The following KDM4C variants were observed in gnomAD, a reference collection of about 807,000 sequenced individuals.
The protein encoded by KDM4C is lysine-specific demethylase 4C.
KDM4C carries 81 observed loss-of-function variants against 129.3 expected under a neutral mutation model. The ratio of observed to expected loss-of-function variants is 0.63; its 90% CI spans 0.52 to 0.75. KDM4C has a LOEUF of 0.75. Among genes scored for constraint, KDM4C ranks in the 30% least tolerant of loss-of-function variants. The pLI, the probability that KDM4C is intolerant of heterozygous loss-of-function variation, is 0.00. For missense variants in KDM4C, 1,457 were observed against 1,304.0 expected (o/e 1.12, Z -1.81); for synonymous variants, 573 against 456.1 (o/e 1.26, Z -3.26).
At chr9:7,151,705 C>G (rs1238349696) in intron 19 of KDM4C, among the ~76,000 whole-genome samples, 2 of 152,164 alleles carry the variant, frequency 1.3e-5, no homozygotes, top group Admixed American at 6.5e-5. Flanking sequence ...GGAAAGTGGA[C>G]AGTAGACTTG....
At chr9:6,873,558 T>G (rs1386260104) in intron 5 of KDM4C, among the ~76,000 whole-genome samples, 2 of 152,154 alleles carry the variant, frequency 1.3e-5, no homozygotes, top group Non-Finnish European at 2.9e-5. Context: ...GGTGCTAGAG[T>G]CCAGCTTTTA....
chr9:6,938,852 T>A (rs1825304351), intron 8 of KDM4C, among the ~76,000 whole-genome samples: 1 of 85,058 alleles, frequency 1.2e-5, no homozygotes, highest in Non-Finnish European at 3.1e-5. Context: ...GATACACTAA[T>A]AATAAAATAT....
chr9:6,734,999 T>A, intron 1 of KDM4C: 1 of 543,158 alleles, frequency 1.8e-6, no homozygotes, highest in South Asian at 1.4e-5. Context: ...TGATAGGGTT[T>A]GGGTATTACT....
At chr9:6,997,259 A>G (rs1447048317) in intron 12 of KDM4C, among the ~76,000 whole-genome samples, 2 of 152,162 alleles carry the variant, frequency 1.3e-5, no homozygotes, top group East Asian at 1.9e-4. Flanking sequence ...ATTTTCCAGG[A>G]CCAGAATGGG....
chr9:6,839,881 T>C (rs982714482), intron 4 of KDM4C, among the ~76,000 whole-genome samples: 1 of 138,406 alleles, frequency 7.2e-6, no homozygotes, highest in African/African-American at 2.7e-5. Flanking sequence ...GCAGCCTGGG[T>C]GACAGAGTGA....
intron 19 of KDM4C, among the ~76,000 whole-genome samples, chr9:7,150,313 C>T (rs529653787): frequency 1.1e-4 from 17 of 152,262 alleles, no homozygotes; most frequent in African/African-American, 2.4e-4. Flanking sequence ...GGTGGCTTAA[C>T]GTGGAGGAAG....
intron 19 of KDM4C, among the ~76,000 whole-genome samples, chr9:7,154,362 G>A (rs977146285): frequency 5.3e-5 from 8 of 152,180 alleles, no homozygotes; most frequent in African/African-American, 1.4e-4. Flanking sequence ...ACTATATGCC[G>A]ATTAACTACT....
chr9:6,886,322 CT>C (rs767744199), intron 6 of KDM4C, among the ~76,000 whole-genome samples: 343 of 142,040 alleles, frequency 2.4e-3, no homozygotes, highest in Admixed American at 2.8e-3. Flanking sequence ...TCCTTCCTAT[CT>C]TTTTTTTTTT....
At chr9:7,008,380 C>G (rs534982452) in intron 12 of KDM4C, among the ~76,000 whole-genome samples, 1 of 152,182 alleles carries the variant, frequency 6.6e-6, no homozygotes, top group African/African-American at 2.4e-5. Context: ...CCAGCACCCA[C>G]GGAGCCAGCC....
At chr9:6,995,882 A>T (rs182471818) in intron 12 of KDM4C, among the ~76,000 whole-genome samples, 7 of 136,772 alleles carry the variant, frequency 5.1e-5, no homozygotes, top group African/African-American at 1.0e-4. Flanking sequence ...TGTGTTAGCC[A>T]GGATGGTCTC....
intron 4 of KDM4C, among the ~76,000 whole-genome samples, chr9:6,841,047 C>A (rs958518695): frequency 6.6e-6 from 1 of 152,110 alleles, no homozygotes; most frequent in African/African-American, 2.4e-5. Context: ...TTGATGACTT[C>A]GTTAAGTTAC....
At chr9:6,806,924 C>G (rs1415067177) in intron 3 of KDM4C, among the ~76,000 whole-genome samples, 1 of 151,880 alleles carries the variant, frequency 6.6e-6, no homozygotes, top group East Asian at 1.9e-4. Flanking sequence ...CTCTCCGTCT[C>G]CCCACGGTCT....
intron 1 of KDM4C, among the ~76,000 whole-genome samples, chr9:6,752,203 C>G (rs543548925): frequency 4.7e-5 from 7 of 149,988 alleles, no homozygotes; most frequent in Non-Finnish European, 8.9e-5. Flanking sequence ...CATGGTGGCG[C>G]GCGCCTGTAG....
At chr9:7,039,774 G>A (rs1828244907) in intron 15 of KDM4C, among the ~76,000 whole-genome samples, 1 of 152,032 alleles carries the variant, frequency 6.6e-6, no homozygotes, top group Non-Finnish European at 1.5e-5. Flanking sequence ...CTTCATCCTT[G>A]TTATCTTCAT....
At chr9:7,090,917 G>T (rs1194351530) in intron 17 of KDM4C, among the ~76,000 whole-genome samples, 1 of 152,126 alleles carries the variant, frequency 6.6e-6, no homozygotes, top group Non-Finnish European at 1.5e-5. Context: ...TTCTTGCAAG[G>T]GGAAGAATGA....
chr9:6,846,089 A>G (rs1285477221), intron 4 of KDM4C, among the ~76,000 whole-genome samples: 1 of 152,142 alleles, frequency 6.6e-6, no homozygotes, highest in African/African-American at 2.4e-5. Context: ...CTCTGGTGGG[A>G]AGAATGCAGC....
At chr9:6,946,145 A>G (rs1406869039) in intron 8 of KDM4C, among the ~76,000 whole-genome samples, 1 of 152,130 alleles carries the variant, frequency 6.6e-6, no homozygotes, top group Non-Finnish European at 1.5e-5. Context: ...TATGGATTGG[A>G]GATGAAGTAG....
Position 7,072,342 on chromosome 9 carries a change from A to G in KDM4C, c.2424+23142A>G, listed in dbSNP as rs188459994. On this transcript the variant is annotated intron_variant, in intron 17 of 21. Transcript: ENST00000381309. Reference sequence around the variant, plus strand: ...GAAATGAAAATTTATGTTTACATATATCATAATCACCCAAAAAATGGAAGC... The same window carrying G: ...GAAATGAAAATTTATGTTTACATATGTCATAATCACCCAAAAAATGGAAGC... Among the ~76,000 whole-genome samples, 21 of 152,310 alleles carry G rather than the reference A, an allele frequency of 1.4e-4. No individual in the cohort carries two copies. The East Asian group carries it at 4.1e-3, about 29-fold the overall frequency.
At position 6,987,049 on chromosome 9, in the gene KDM4C, A is replaced by G. The variant is rs115890790; in HGVS notation, c.1677+383A>G. On this transcript the variant is annotated intron_variant, in intron 11 of 21. Coordinates refer to ENST00000381309, the MANE Select transcript of KDM4C (RefSeq NM_015061.6). ...TAGAAAACTATAGTACAAAGTCACAATCATATCGACATTGATACAGTAAAG... is the reference window on the plus strand; with the variant it reads ...TAGAAAACTATAGTACAAAGTCACAGTCATATCGACATTGATACAGTAAAG... Among the ~76,000 whole-genome samples the G allele has an allele frequency of 3.1e-3, 474 of 152,300 alleles. 4 individuals are homozygous for G. Among genetic ancestry groups the G allele is most frequent in the African/African-American group, 9.8e-3 (409 of 41,576 alleles).
Sources: gnomAD v4.1 joint callset for allele counts (sites outside exome capture counted in the v4.1 genomes callset) on GRCh38, gnomAD v4.1.1 for gene constraint, MANE v1.5 for transcripts, NCBI Gene and HGNC (gene_info 2026-07-23, HGNC 2026-07-21) for gene names.